KIF11: variants seen among roughly 807,000 people sequenced by gnomAD.
KIF11 encodes the protein kinesin family member 11.
In KIF11, 9 loss-of-function variants were observed where a neutral mutation model predicts 121.0. The ratio of observed to expected loss-of-function variants is 0.07; its 90% CI spans 0.04 to 0.13. The LOEUF (loss-of-function observed/expected upper bound fraction) is 0.13, where lower values mean the gene tolerates loss of function less well. Ranked by LOEUF, KIF11 falls within the 10% of genes least tolerant of loss-of-function variation. The pLI is 1.00. For missense variants in KIF11, 846 were observed against 1,217.5 expected, an observed-to-expected ratio of 0.69 and a Z score of 4.54; for synonymous variants, 408 against 421.0, an observed-to-expected ratio of 0.97 and a Z score of 0.38.
At chr10:92,604,032 GT>G (rs1844403989) in intron 1 of KIF11, among the ~76,000 whole-genome samples, 1 of 152,002 alleles carries the variant, frequency 6.6e-6, no homozygotes, top group African/African-American at 2.4e-5. Flanking sequence ...TAGGACTTAG[GT>G]TTTTTTAATC....
rs548747639 is a variant in KIF11 at position 92,630,263 on chromosome 10, C to G, written c.1393C>G (p.Gln465Glu). The change falls in exon 12 of 22, where the codon CAA becomes GAA. Residue 465 changes from glutamine (Q) to glutamate (E), a missense_variant. Coordinates refer to ENST00000260731, the MANE Select transcript of KIF11 (RefSeq NM_004523.4). The stretch of plus-strand genomic sequence containing the variant: ...TAAAACACAAGAACTTGAAACCACT[C>G]AAAAACATTTGCAAGAAACTAAATT... ...QNKTQELETT[Q>E]KHLQETKLQL... is the part of the protein sequence containing the mutation. The G allele has an allele frequency of 6.2e-6, 10 of 1,609,842 alleles. No individual in the cohort carries two copies. In the East Asian group the frequency reaches 2.2e-4, roughly 36 times the overall value.
Position 92,613,672 on chromosome 10 carries a change from C to T in KIF11, c.1032+53C>T. The T allele has an allele frequency of 2.6e-6, 4 of 1,524,250 alleles. No homozygotes were observed. Among genetic ancestry groups the T allele is most frequent in the Non-Finnish European group, 3.5e-6 (4 of 1,129,768 alleles). 94.4% of individuals were successfully genotyped at this position (1,524,250 alleles called of 1,614,324 possible). The stretch of plus-strand genomic sequence containing the variant: ...TGTAGTAGCTGTAATTCTTATTTGG[C>T]TATTATATATTTTAAAAGTTCATTT... On this transcript the variant is annotated intron_variant, in intron 8 of 21. Coordinates refer to ENST00000260731, the MANE Select transcript of KIF11 (RefSeq NM_004523.4). This position sits in a 1 kb window ranked among gnomAD's most constrained non-coding sequence, Gnocchi z 4.2.
At chr10:92,619,007 CTTAT>C (rs200204648) in intron 9 of KIF11, among the ~76,000 whole-genome samples, 15 of 151,126 alleles carry the variant, frequency 9.9e-5, no homozygotes, top group East Asian at 3.9e-4. Context: ...TTGAGATTGC[CTTAT>C]TTATTTATTT....
intron 10 of KIF11, among the ~76,000 whole-genome samples, chr10:92,623,847 A>G (rs1349549811): frequency 6.6e-6 from 1 of 151,932 alleles, no homozygotes; most frequent in Non-Finnish European, 1.5e-5. Context: ...TTTGGTTTTC[A>G]TTTGTTTAGT....
At chr10:92,632,834 A>G (rs915451543) in intron 13 of KIF11, 141 bp downstream of exon 13, 6 of 471,744 alleles carry the variant, frequency 1.3e-5, no homozygotes, top group African/African-American at 1.2e-4. Context: ...GTGAAGATTA[A>G]TGCTTTTATT....
chr10:92,623,800 C>T (rs563073184), intron 10 of KIF11, among the ~76,000 whole-genome samples: 1 of 152,236 alleles, frequency 6.6e-6, no homozygotes, highest in African/African-American at 2.4e-5. Context: ...TGGAGGCTTT[C>T]ATCTTTCTGA....
At chr10:92,647,446 A>G (rs1844931777) in intron 18 of KIF11, among the ~76,000 whole-genome samples, 1 of 152,212 alleles carries the variant, frequency 6.6e-6, no homozygotes, top group South Asian at 2.1e-4. Flanking sequence ...TAAATTATAT[A>G]GTCACCGACT....
intron 1 of KIF11, among the ~76,000 whole-genome samples, chr10:92,599,658 C>CTTTTT (rs879564897): frequency 7.3e-6 from 1 of 137,450 alleles, no homozygotes; most frequent in African/African-American, 2.6e-5. Flanking sequence ...GTTTTCTTTT[C>CTTTTT]TTTTTTTTTT....
At chr10:92,622,143 A>G (rs867099402) in intron 10 of KIF11, among the ~76,000 whole-genome samples, 10 of 152,120 alleles carry the variant, frequency 6.6e-5, no homozygotes, top group Non-Finnish European at 5.9e-5. Flanking sequence ...GTGTGGTGGT[A>G]CATGCCCGTA....
Position 92,621,393 on chromosome 10 carries a change from G to A in KIF11, c.1137G>A (p.Thr379=), listed in dbSNP as rs769016208. The change falls in exon 10 of 22, where the codon ACG becomes ACA. Residue 379 remains threonine, a synonymous_variant. Transcript: ENST00000260731. ...LTKKALIKEY[T]EEIERLKRDL... ...ACATTCCTCTTGTGTAGGAGTATACGGAGGAGATAGAACGTTTAAAACGAG... is the reference window on the plus strand; with the variant it reads ...ACATTCCTCTTGTGTAGGAGTATACAGAGGAGATAGAACGTTTAAAACGAG... 38 of 1,607,598 alleles carry A rather than the reference G, an allele frequency of 2.4e-5. No individual in the cohort carries two copies. Among genetic ancestry groups the A allele is most frequent in the Middle Eastern group, 3.3e-4 (2 of 6,074 alleles).
intron 21 of KIF11, among the ~76,000 whole-genome samples, chr10:92,652,221 A>G (rs1454159419): frequency 1.3e-5 from 2 of 151,206 alleles, no homozygotes; most frequent in South Asian, 2.1e-4. Flanking sequence ...GCTCACCACA[A>G]TCTCCGCCTC....
At chr10:92,650,147 T>A (rs545320531) in intron 20 of KIF11, among the ~76,000 whole-genome samples, 161 bp downstream of exon 20, 2 of 152,212 alleles carry the variant, frequency 1.3e-5, no homozygotes, top group African/African-American at 4.8e-5. Flanking sequence ...CTTACTAGTT[T>A]TTAAATTATG....
chr10:92,622,518 G>A (rs1353835488), intron 10 of KIF11, among the ~76,000 whole-genome samples: 2 of 151,920 alleles, frequency 1.3e-5, no homozygotes, highest in Non-Finnish European at 1.5e-5. Flanking sequence ...GGGAGGCTGA[G>A]GCAGGAGAAT....
At chr10:92,610,844 A>G (rs1262658426) in intron 6 of KIF11, among the ~76,000 whole-genome samples, 2 of 152,226 alleles carry the variant, frequency 1.3e-5, no homozygotes, top group Non-Finnish European at 2.9e-5. Flanking sequence ...GATTAAGATC[A>G]TGGAATTTTG....
intron 1 of KIF11, among the ~76,000 whole-genome samples, chr10:92,602,482 A>G (rs1564702855): frequency 6.6e-6 from 1 of 152,056 alleles, no homozygotes. Context: ...TTTGTGATTT[A>G]GTCTTTGTAA....
rs1368005950 is a variant in KIF11 at position 92,645,521 on chromosome 10, A to G, written c.2426A>G (p.Glu809Gly). The G allele has an allele frequency of 6.2e-7, 1 of 1,613,708 alleles. No homozygotes were observed. Among genetic ancestry groups the G allele is most frequent in the Non-Finnish European group, 8.5e-7 (1 of 1,179,602 alleles). Reference protein sequence around the residue: ...KHSDKLNGNLEKISQETEQRC... With the variant: ...KHSDKLNGNLGKISQETEQRC... ...TCTGATAAACTCAATGGCAACCTGG[A>G]AAAAATATCTCAAGAGACTGAACAG... is the stretch of plus-strand genomic sequence containing the variant. The change falls in exon 18 of 22, where the codon GAA becomes GGA. Residue 809 changes from glutamate (E) to glycine (G), a missense_variant. By Grantham distance (98) the Glu-to-Gly change is moderately conservative (BLOSUM62 -2). This residue lies in a region of KIF11 where 492 missense variants were observed against 603.4 expected (regional missense o/e 0.82). Coordinates refer to ENST00000260731, the MANE Select transcript of KIF11 (RefSeq NM_004523.4).
At chr10:92,602,668 A>G (rs1844383987) in intron 1 of KIF11, among the ~76,000 whole-genome samples, 1 of 151,978 alleles carries the variant, frequency 6.6e-6, no homozygotes, top group Non-Finnish European at 1.5e-5. Flanking sequence ...TTTTTAATGT[A>G]AGCATTCATA....
chr10:92,598,055 G>A (rs1402552681), intron 1 of KIF11, among the ~76,000 whole-genome samples: 2 of 152,072 alleles, frequency 1.3e-5, no homozygotes, highest in African/African-American at 4.8e-5. Flanking sequence ...CCAGGTAGCT[G>A]GGATCACAGG....
chr10:92,599,809 C>T (rs1470559943), intron 1 of KIF11, among the ~76,000 whole-genome samples: 7 of 148,612 alleles, frequency 4.7e-5, no homozygotes, highest in East Asian at 2.1e-4. Context: ...CACGCTACGA[C>T]GCCCAGCTAA....
Sources: gnomAD v4.1 joint callset for allele counts (sites outside exome capture counted in the v4.1 genomes callset) on GRCh38, gnomAD v4.1.1 for gene constraint, gnomAD v4.1.1 regional missense constraint, Gnocchi (gnomAD v3.1) non-coding constraint, MANE v1.5 for transcripts, NCBI Gene and HGNC (gene_info 2026-07-23, HGNC 2026-07-21) for gene names.